Variants in SPEF2 observed in about 807,000 individuals in gnomAD.
SPEF2 encodes the protein sperm flagellar and cilia associated 2, also known as sperm flagella and cilia-associated protein 2.
A neutral mutation model predicts 224.6 loss-of-function variants in SPEF2; 187 were observed. The ratio of observed to expected loss-of-function variants is 0.83; its 90% CI spans 0.74 to 0.94. The LOEUF is 0.94. Ranked by LOEUF, SPEF2 falls within the 40% of genes least tolerant of loss-of-function variation. The pLI, the probability that SPEF2 is intolerant of heterozygous loss-of-function variation, is 0.00. For missense variants in SPEF2, 2,170 were observed against 2,135.6 expected (o/e 1.02, Z -0.32); for synonymous variants, 715 against 707.3 (o/e 1.01, Z -0.17).
At chr5:35,732,909 T>C (rs1745871944) in intron 21 of SPEF2, among the ~76,000 whole-genome samples, 1 of 152,178 alleles carries the variant, frequency 6.6e-6, no homozygotes, top group South Asian at 2.1e-4. Context: ...AATTGTTCTA[T>C]TTTATTATTA....
rs776158762 is a variant in SPEF2 at position 35,704,569 on chromosome 5, A to G, written c.2414A>G (p.Tyr805Cys). Residue 805 changes from tyrosine (Y) to cysteine (C), a missense_variant, in exon 17 of 37, where the codon TAT (tyrosine) becomes TGT (cysteine). Tyr to Cys is a radical substitution (Grantham distance 194). Coordinates refer to ENST00000356031, the MANE Select transcript of SPEF2 (RefSeq NM_024867.4). ...MNDIIAEELS[Y>C]KTAHEDISQR... ...TATACCATAGCTGAAGAATTGTCCT[A>G]TAAAACTGCTCACGAAGATATCAGT... is the stretch of plus-strand genomic sequence containing the variant. The G allele has an allele frequency of 1.9e-6, 3 of 1,610,808 alleles. No individual in the cohort carries two copies. The highest frequency in any genetic ancestry group is 3.4e-5 in the Admixed American group (2 of 59,456).
chr5:35,714,684 A>T (rs182409261), intron 20 of SPEF2, among the ~76,000 whole-genome samples: 12 of 131,964 alleles, frequency 9.1e-5, no homozygotes, highest in African/African-American at 1.9e-4. Flanking sequence ...GTTTATTTTT[A>T]TTTATTTATT....
At chr5:35,708,802 A>T in intron 18 of SPEF2, 146 bp from the exon 19 acceptor site, 1 of 721,928 alleles carries the variant, frequency 1.4e-6, no homozygotes, top group African/African-American at 1.8e-5. Flanking sequence ...TTTAAGGACT[A>T]GATGATTTAA....
chr5:35,797,278 T>A (rs6451219), intron 33 of SPEF2, among the ~76,000 whole-genome samples: 1 of 151,602 alleles, frequency 6.6e-6, no homozygotes, highest in African/African-American at 2.4e-5. Context: ...CTGTGGAGAC[T>A]GAGCAAAACA....
At chr5:35,697,601 C>A in intron 14 of SPEF2, 89 bp from the exon 15 acceptor site, 1 of 992,338 alleles carries the variant, frequency 1.0e-6, no homozygotes, top group Non-Finnish European at 1.5e-6. Context: ...CATCAGAGAG[C>A]CTGGTCATTT....
chr5:35,795,312 AT>A (rs1287770532), intron 32 of SPEF2, among the ~76,000 whole-genome samples: 1 of 152,182 alleles, frequency 6.6e-6, no homozygotes, highest in Non-Finnish European at 1.5e-5. Flanking sequence ...AATATGAGCT[AT>A]TTTTAATGGG....
At chr5:35,725,987 A>G (rs994844995) in intron 20 of SPEF2, among the ~76,000 whole-genome samples, 1 of 152,220 alleles carries the variant, frequency 6.6e-6, no homozygotes, top group Non-Finnish European at 1.5e-5. Context: ...GAAAGCAAAC[A>G]TCTTATTAGA....
At chr5:35,721,191 A>C (rs1400327054) in intron 20 of SPEF2, among the ~76,000 whole-genome samples, 1 of 152,170 alleles carries the variant, frequency 6.6e-6, no homozygotes, top group East Asian at 1.9e-4. Flanking sequence ...TTATTCTACC[A>C]CTTCTTTGAA....
intron 1 of SPEF2, 48 bp from the exon 2 acceptor site, chr5:35,628,412 T>C (rs1416422088): frequency 5.6e-6 from 7 of 1,244,812 alleles, no homozygotes; most frequent in East Asian, 2.3e-5. Flanking sequence ...ATTAGCTCTA[T>C]GCGCAACATT....
At chr5:35,795,860 C>T in intron 33 of SPEF2, 65 bp downstream of exon 33, 1 of 1,402,014 alleles carries the variant, frequency 7.1e-7, no homozygotes. Flanking sequence ...GTGTTTTCTT[C>T]CACTTATGTA....
At chr5:35,788,334 G>A in intron 30 of SPEF2, 2 of 702,980 alleles carry the variant, frequency 2.8e-6, no homozygotes, top group Non-Finnish European at 5.2e-6. Context: ...GATATGAAAG[G>A]TGTTGATATT....
intron 24 of SPEF2, among the ~76,000 whole-genome samples, chr5:35,758,175 G>C (rs1416098416): frequency 6.6e-6 from 1 of 152,112 alleles, no homozygotes; most frequent in Non-Finnish European, 1.5e-5. Context: ...AAATATCTTT[G>C]AGTTTGGTGT....
In SPEF2 at chr5:35,795,694, T is replaced by C; in HGVS notation, c.4738-9T>C. On this transcript the variant is annotated splice_polypyrimidine_tract_variant and intron_variant, in intron 32 of 36. Coordinates refer to ENST00000356031, the MANE Select transcript of SPEF2 (RefSeq NM_024867.4). Reference sequence around the variant, plus strand: ...ACTTTAACAATTTTCATTTTTATTTTTTATGTAGGCTGGTCTGTGGTTTAC... The same window carrying C: ...ACTTTAACAATTTTCATTTTTATTTCTTATGTAGGCTGGTCTGTGGTTTAC... The C allele has an allele frequency of 6.2e-7, 1 of 1,606,448 alleles. No homozygotes were observed. The highest frequency in any genetic ancestry group is 1.1e-5 in the South Asian group (1 of 89,390).
At position 35,617,891 on chromosome 5, in the gene SPEF2, T is replaced by C. The variant is rs1474878437; in HGVS notation, c.-107T>C. On this transcript the variant is annotated 5_prime_UTR_variant, in exon 1 of 37. Coordinates refer to ENST00000356031, the MANE Select transcript of SPEF2 (RefSeq NM_024867.4). ...TCGCCTAGTTCCAGCCTGGATACGC[T>C]TCCATAGCAAAGGGTTGCCCTTGGC... The C allele has an allele frequency of 6.5e-6, 7 of 1,080,224 alleles. No individual in the cohort carries two copies. The highest frequency in any genetic ancestry group is 9.8e-6 in the Non-Finnish European group (7 of 717,904). 66.9% of individuals were successfully genotyped at this position (1,080,224 alleles called of 1,614,324 possible).
intron 24 of SPEF2, among the ~76,000 whole-genome samples, chr5:35,755,270 A>T (rs976089615): frequency 6.6e-5 from 10 of 152,262 alleles, no homozygotes; most frequent in African/African-American, 2.4e-4. Context: ...ACCAGTCTTG[A>T]TAGCATCCCC....
chr5:35,752,588 T>G (rs892194246), intron 23 of SPEF2, among the ~76,000 whole-genome samples: 3 of 152,282 alleles, frequency 2.0e-5, no homozygotes, highest in Non-Finnish European at 4.4e-5. Context: ...TGAGCCACTG[T>G]GCCTGGCCTC....
chr5:35,680,100 G>C (rs1752578393), intron 10 of SPEF2, among the ~76,000 whole-genome samples: 1 of 152,068 alleles, frequency 6.6e-6, no homozygotes, highest in African/African-American at 2.4e-5. Context: ...ACCTAAAAAT[G>C]GCATTACAAC....
intron 10 of SPEF2, among the ~76,000 whole-genome samples, chr5:35,672,687 A>G (rs1412806214): frequency 3.3e-5 from 5 of 152,058 alleles, no homozygotes; most frequent in African/African-American, 1.2e-4. Flanking sequence ...TGTTCATTAT[A>G]TATAATGTTC....
In SPEF2 at chr5:35,646,659, A is replaced by T; in HGVS notation, c.586-8A>T. 3 of 1,612,666 alleles carry T rather than the reference A, an allele frequency of 1.9e-6. No individual in the cohort carries two copies. The highest frequency in any genetic ancestry group is 1.7e-6 in the Non-Finnish European group (2 of 1,179,256). On this transcript the variant is annotated splice_polypyrimidine_tract_variant and splice_region_variant and intron_variant, in intron 4 of 36. Coordinates refer to ENST00000356031, the MANE Select transcript of SPEF2 (RefSeq NM_024867.4). The stretch of plus-strand genomic sequence containing the variant: ...GAATCACTAAACTAATGTATATGGG[A>T]TATTCAGCAATACTTAAACAGAAGA...
Sources: gnomAD v4.1 joint callset for allele counts (sites outside exome capture counted in the v4.1 genomes callset) on GRCh38, gnomAD v4.1.1 for gene constraint, MANE v1.5 for transcripts, NCBI Gene and HGNC (gene_info 2026-07-23, HGNC 2026-07-21) for gene names.